Variants in ZNF274 observed in about 807,000 individuals in gnomAD.
ZNF274 encodes zinc finger protein 274.
A neutral mutation model predicts 42.5 loss-of-function variants in ZNF274; 23 were observed. The ratio of observed to expected loss-of-function variants is 0.54; its 90% CI spans 0.39 to 0.77. The LOEUF (loss-of-function observed/expected upper bound fraction) is 0.77. Ranked by LOEUF, ZNF274 falls within the 30% of genes least tolerant of loss-of-function variation. The probability of loss-of-function intolerance (pLI) is 0.00; values close to 1 mark genes in which losing one functional copy is unlikely to be tolerated. For missense variants in ZNF274, 679 were observed against 806.5 expected (o/e 0.84, Z 1.91); for synonymous variants, 292 against 305.4 (o/e 0.96, Z 0.46).
At chr19:58,200,774 G>A (rs945794331) in intron 4 of ZNF274, among the ~76,000 whole-genome samples, 1 of 152,146 alleles carries the variant, frequency 6.6e-6, no homozygotes. Flanking sequence ...TGCCCACTAT[G>A]TTAGGCCGTT....
At position 58,211,491 on chromosome 19, in the gene ZNF274, C is replaced by T; in HGVS notation, c.853-69C>T. 6.5e-7 allele frequency: 1 copy of T among 1,530,778 alleles called. No homozygotes were observed. The highest frequency in any genetic ancestry group is 1.3e-5 in the South Asian group (1 of 79,354). The allele number at this position is 1,530,778 out of a possible 1,614,324, so 94.8% of individuals were successfully genotyped here. ...GCTCTGTCAGAACCTCCCAGCTGGC[C>T]TTTCTTCTGCCCTCATTGACAACCC... On this transcript the variant is annotated intron_variant, in intron 6 of 7. Transcript: ENST00000617501. The surrounding 1 kb of genome is among the most constrained non-coding windows in gnomAD (Gnocchi z 4.8).
intron 2 of ZNF274, chr19:58,184,373 T>G (rs2075671069): frequency 5.8e-6 from 1 of 173,586 alleles, no homozygotes; most frequent in Non-Finnish European, 1.3e-5. Flanking sequence ...CACTGCAACC[T>G]CCGCCTCCTG....
chr19:58,203,591 A>AT (rs34184073), intron 4 of ZNF274, among the ~76,000 whole-genome samples: 1 of 150,108 alleles, frequency 6.7e-6, no homozygotes, highest in African/African-American at 2.5e-5. Context: ...AAAAAAAAAA[A>AT]AAAAAGAAAA....
chr19:58,186,468 G>A (rs1241348010), intron 3 of ZNF274, among the ~76,000 whole-genome samples: 1 of 141,568 alleles, frequency 7.1e-6, no homozygotes, highest in Non-Finnish European at 1.5e-5. Context: ...GGGAGGTGGA[G>A]GAGATTGCAG....
chr19:58,203,087 A>G (rs148697533), intron 4 of ZNF274, among the ~76,000 whole-genome samples: 1 of 152,338 alleles, frequency 6.6e-6, no homozygotes, highest in Non-Finnish European at 1.5e-5. Flanking sequence ...AAATTTATGA[A>G]GTAACGTTTA....
rs1034233499 is a variant in ZNF274 at position 58,211,503 on chromosome 19, C to T, written c.853-57C>T. 8.3e-6 allele frequency: 13 copies of T among 1,559,848 alleles called. No individual in the cohort carries two copies. In the African/African-American group the frequency reaches 1.4e-4, roughly 16 times the overall value. On this transcript the variant is annotated intron_variant, in intron 6 of 7. Transcript: ENST00000617501. The surrounding 1 kb of genome is among the most constrained non-coding windows in gnomAD (Gnocchi z 4.8). ...CCTCCCAGCTGGCCTTTCTTCTGCC[C>T]TCATTGACAACCCTCTGACCCTCTT...
rs2076005677 is a variant in ZNF274 at position 58,208,704 on chromosome 19, G to T, written c.740-1257G>T. The stretch of plus-strand genomic sequence containing the variant: ...ATGCTGACACCTTCATTTTAGCCCA[G>T]TGAGGCACAAACCAGACTTCTCATC... On this transcript the variant is annotated intron_variant, in intron 5 of 7. Coordinates refer to ENST00000617501, the MANE Select transcript of ZNF274 (RefSeq NM_133502.3). This position sits in a 1 kb window ranked among gnomAD's most constrained non-coding sequence, Gnocchi z 4.5. 6.6e-6 allele frequency: 1 copy of T among 152,242 alleles called. No individual in the cohort carries two copies. The highest frequency in any genetic ancestry group is 1.5e-5 in the Non-Finnish European group (1 of 68,062). 9.4% of individuals were successfully genotyped at this position (152,242 alleles called of 1,614,324 possible). A position where few individuals can be genotyped will look rare whatever the true frequency, so the allele number is the denominator to read the frequency against.
At position 58,212,890 on chromosome 19, in the gene ZNF274, G is replaced by C; in HGVS notation, c.1709G>C (p.Arg570Thr). 1 of 1,614,030 alleles carries C rather than the reference G, an allele frequency of 6.2e-7. No homozygotes were observed. Among genetic ancestry groups the C allele is most frequent in the Non-Finnish European group, 8.5e-7 (1 of 1,179,902 alleles). The change falls in exon 8 of 8, where the codon AGG becomes ACG. Residue 570 changes from arginine (R) to threonine (T), a missense_variant. Arg to Thr is a moderately conservative substitution (Grantham distance 71). Transcript: ENST00000617501. This position sits in a 1 kb window ranked among gnomAD's most constrained non-coding sequence, Gnocchi z 4.6. The part of the protein sequence containing the change: ...ERPFECQECG[R>T]TFNDRSAISQ... ...CCATTTGAATGTCAGGAGTGTGGGAGGACCTTCAATGATCGCTCAGCCATC... is the reference window on the plus strand; with the variant it reads ...CCATTTGAATGTCAGGAGTGTGGGACGACCTTCAATGATCGCTCAGCCATC...
At chr19:58,205,095 C>T (rs2075966699) in intron 4 of ZNF274, among the ~76,000 whole-genome samples, 1 of 152,116 alleles carries the variant, frequency 6.6e-6, no homozygotes, top group Non-Finnish European at 1.5e-5. Context: ...TTTATTCATT[C>T]CTTTGGTGCC....
rs1251036690 is a variant in ZNF274, at chr19:58,213,447, C to G, written c.*304C>G. 3.3e-6 allele frequency: 1 copy of G among 303,194 alleles called. No individual in the cohort carries two copies. The highest frequency in any genetic ancestry group is 6.1e-6 in the Non-Finnish European group (1 of 163,464). 18.8% of individuals were successfully genotyped at this position (303,194 alleles called of 1,614,324 possible). On this transcript the variant is annotated 3_prime_UTR_variant, in exon 8 of 8. Transcript: ENST00000617501. ...AATGTTATATAATAACTTTAAAAAG[C>G]CAGGTAATTAATAATCTGCACTGAT...
At chr19:58,204,058 C>T (rs2075950364) in intron 4 of ZNF274, among the ~76,000 whole-genome samples, 1 of 152,166 alleles carries the variant, frequency 6.6e-6, no homozygotes, top group African/African-American at 2.4e-5. Flanking sequence ...AACGGGAAGC[C>T]CAGACAGACC....
chr19:58,213,215 T>C lies in ZNF274; in HGVS notation c.*72T>C. 1 of 1,519,710 alleles carries C rather than the reference T, an allele frequency of 6.6e-7. No individual in the cohort carries two copies. The highest frequency in any genetic ancestry group is 8.8e-7 in the Non-Finnish European group (1 of 1,137,178). The allele number at this position is 1,519,710 out of a possible 1,614,324, so 94.1% of individuals were successfully genotyped here. ...AATATAACATGCACAGGCCTGCTTG[T>C]GAATCAGGACTGAATGTGAAAGGGA... is the stretch of plus-strand genomic sequence containing the variant. On this transcript the variant is annotated 3_prime_UTR_variant, in exon 8 of 8. Transcript: ENST00000617501.
At chr19:58,193,130 C>A (rs750340411) in intron 4 of ZNF274, among the ~76,000 whole-genome samples, 11 of 151,030 alleles carry the variant, frequency 7.3e-5, no homozygotes, top group Non-Finnish European at 1.2e-4. Context: ...ACTGTACATT[C>A]TTTTTGTCAC....
In ZNF274 at chr19:58,212,942, C is replaced by T. The variant is rs373065456; in HGVS notation, c.1761C>T (p.Gly587=). The T allele has an allele frequency of 1.7e-5, 27 of 1,613,846 alleles. No individual in the cohort carries two copies. The highest frequency in any genetic ancestry group is 4.0e-5 in the African/African-American group (3 of 74,918). ...AISQHLRTHT[G]AKPYKCQDCG... ...CCCAGCACCTGAGGACTCACACTGG[C>T]GCTAAGCCCTACAAGTGTCAGGACT... Residue 587 remains glycine, a synonymous_variant, in exon 8 of 8, where the codon GGC becomes GGT. Coordinates refer to ENST00000617501, the MANE Select transcript of ZNF274 (RefSeq NM_133502.3). This position sits in a 1 kb window ranked among gnomAD's most constrained non-coding sequence, Gnocchi z 4.6.
chr19:58,186,176 TAA>T (rs33929829), intron 3 of ZNF274: 176 of 134,130 alleles, frequency 1.3e-3, no homozygotes, highest in Middle Eastern at 3.7e-3. Flanking sequence ...GTGTCTCTAT[TAA>T]AAAAAAAAAA....
rs1235493476 is a variant in ZNF274 at position 58,213,542 on chromosome 19, CTA to C, written c.*401_*402del. 2.8e-5 allele frequency: 5 copies of C among 176,538 alleles called. No individual in the cohort carries two copies. Among genetic ancestry groups the C allele is most frequent in the South Asian group, 2.7e-4 (2 of 7,544 alleles). The allele number at this position is 176,538 out of a possible 1,614,324, so 10.9% of individuals were successfully genotyped here. On this transcript the variant is annotated 3_prime_UTR_variant, in exon 8 of 8. Coordinates refer to ENST00000617501, the MANE Select transcript of ZNF274 (RefSeq NM_133502.3). The stretch of plus-strand genomic sequence containing the variant: ...TTAAAAGATAATGTGGATAAATAAA[CTA>C]TTGATCTATGTCTGTGTAGAACCTG...
At chr19:58,195,975 G>T (rs1190345345) in intron 4 of ZNF274, among the ~76,000 whole-genome samples, 1 of 152,180 alleles carries the variant, frequency 6.6e-6, no homozygotes, top group African/African-American at 2.4e-5. Flanking sequence ...CCTGGTTTAA[G>T]TAGAAGGGAA....
chr19:58,195,091 G>A (rs764803923), intron 4 of ZNF274, among the ~76,000 whole-genome samples: 20 of 151,344 alleles, frequency 1.3e-4, no homozygotes, highest in Admixed American at 1.1e-3. Context: ...CCAGCTACTC[G>A]GGAGGCTGAG....
chr19:58,210,253 C>T, intron 6 of ZNF274, 180 bp downstream of exon 6: 1 of 519,258 alleles, frequency 1.9e-6, no homozygotes, highest in Non-Finnish European at 3.5e-6. Flanking sequence ...CCCTGCCCTC[C>T]AGCCACTGTG....
Sources: gnomAD v4.1 joint callset for allele counts (sites outside exome capture counted in the v4.1 genomes callset) on GRCh38, gnomAD v4.1.1 for gene constraint, Gnocchi (gnomAD v3.1) non-coding constraint, MANE v1.5 for transcripts, NCBI Gene and HGNC (gene_info 2026-07-23, HGNC 2026-07-21) for gene names.